TLK2: variants seen among roughly 807,000 people sequenced by gnomAD.
TLK2 encodes serine/threonine-protein kinase tousled-like 2.
A neutral mutation model predicts 117.3 loss-of-function variants in TLK2; 6 were observed. The observed-to-expected ratio is 0.05, with a 90% confidence interval of 0.03 to 0.10. TLK2 has a LOEUF of 0.10. TLK2 is among the 10% of genes least tolerant of loss of function. The pLI is 1.00. For synonymous variants in TLK2, 257 were observed against 316.7 expected (o/e 0.81, Z 2.00); for missense variants, 299 against 901.2 (o/e 0.33, Z 8.56).
intron 10 of TLK2, among the ~76,000 whole-genome samples, chr17:62,562,141 C>G (rs1205019874): frequency 6.6e-6 from 1 of 152,108 alleles, no homozygotes; most frequent in Non-Finnish European, 1.5e-5. Flanking sequence ...GGGTGGATCA[C>G]TTGAGGTCAA....
rs746988825 is a variant in TLK2 at position 62,502,028 on chromosome 17, A to ATTTTT, written c.82-18745_82-18744insTTTTT. ...ATCAAACATTTAAGGAAAAAATACC[A>ATTTTT]ATTTTTTTTTTTTTTTTTACAAATT... On this transcript the variant is annotated intron_variant, in intron 2 of 21. Transcript: ENST00000346027. Among the ~76,000 whole-genome samples, 14 of 134,298 alleles carry ATTTTT rather than the reference A, an allele frequency of 1.0e-4. 1 individual carries two copies. The highest frequency in any genetic ancestry group is 2.3e-4 in the South Asian group (1 of 4,284). 88.1% of individuals were successfully genotyped at this position (134,298 alleles called of 152,430 possible).
intron 7 of TLK2, among the ~76,000 whole-genome samples, chr17:62,543,718 T>C (rs2077705400): frequency 6.6e-6 from 1 of 152,246 alleles, no homozygotes; most frequent in African/African-American, 2.4e-5. Context: ...ATTCTTTATA[T>C]ATTCTGAATA....
intron 2 of TLK2, among the ~76,000 whole-genome samples, chr17:62,519,064 T>A (rs922636198): frequency 2.6e-5 from 4 of 152,098 alleles, no homozygotes; most frequent in African/African-American, 9.7e-5. Flanking sequence ...TTTGTATTTT[T>A]GGTAGAGATG....
intron 2 of TLK2, among the ~76,000 whole-genome samples, chr17:62,492,648 G>A (rs377423001): frequency 6.6e-6 from 1 of 151,754 alleles, no homozygotes; most frequent in African/African-American, 2.4e-5. Flanking sequence ...GTAGAGATGG[G>A]GTTTCACCAT....
intron 17 of TLK2, among the ~76,000 whole-genome samples, chr17:62,600,050 A>C (rs1302948905): frequency 1.3e-5 from 2 of 152,230 alleles, no homozygotes; most frequent in African/African-American, 2.4e-5. Flanking sequence ...GTTTAAGAGA[A>C]ATTGTAGTGC....
intron 15 of TLK2, among the ~76,000 whole-genome samples, chr17:62,582,798 C>T (rs1316751473): frequency 6.6e-6 from 1 of 152,158 alleles, no homozygotes; most frequent in African/African-American, 2.4e-5. Flanking sequence ...CTTTCCCCCT[C>T]CTCCTTGTCC....
At chr17:62,594,294 G>GC (rs2082295395) in intron 16 of TLK2, among the ~76,000 whole-genome samples, 1 of 152,080 alleles carries the variant, frequency 6.6e-6, no homozygotes, top group Admixed American at 6.5e-5. Context: ...TGTAATCCCA[G>GC]CTAGTTGGGA....
intron 15 of TLK2, among the ~76,000 whole-genome samples, chr17:62,583,981 C>T (rs1006050846): frequency 1.3e-5 from 2 of 151,940 alleles, no homozygotes; most frequent in Non-Finnish European, 2.9e-5. Context: ...TTTCTTAAGT[C>T]AGTGGTAGGT....
chr17:62,506,530 C>G (rs1201879159), intron 2 of TLK2, among the ~76,000 whole-genome samples: 2 of 151,874 alleles, frequency 1.3e-5, no homozygotes, highest in Non-Finnish European at 2.9e-5. Flanking sequence ...TTTTTTTCCT[C>G]ATATGTGAAG....
At chr17:62,563,444 T>G (rs1047441151) in intron 10 of TLK2, among the ~76,000 whole-genome samples, 1 of 151,832 alleles carries the variant, frequency 6.6e-6, no homozygotes, top group East Asian at 1.9e-4. Flanking sequence ...CCCTGTCTCT[T>G]AAAATAAAAA....
intron 2 of TLK2, among the ~76,000 whole-genome samples, chr17:62,487,076 G>A (rs1407914014): frequency 3.3e-5 from 5 of 152,134 alleles, no homozygotes; most frequent in Non-Finnish European, 7.4e-5. Flanking sequence ...GGCAGATCAC[G>A]AGGTCAGGAG....
chr17:62,503,233 T>C (rs780375930), intron 2 of TLK2, among the ~76,000 whole-genome samples: 2 of 151,872 alleles, frequency 1.3e-5, no homozygotes, highest in Non-Finnish European at 2.9e-5. Flanking sequence ...CTAATTTTTG[T>C]ATTTTTAGTA....
At chr17:62,508,960 T>A (rs1455292332) in intron 2 of TLK2, among the ~76,000 whole-genome samples, 1 of 151,558 alleles carries the variant, frequency 6.6e-6, no homozygotes, top group East Asian at 2.0e-4. Context: ...AGAGTGAGAC[T>A]CCATCTCAAC....
intron 11 of TLK2, 154 bp from the exon 12 acceptor site, chr17:62,573,061 C>G (rs1380837167): frequency 1.3e-6 from 1 of 742,624 alleles, no homozygotes; most frequent in South Asian, 2.0e-5. Context: ...ATTATTTGGC[C>G]CTTCCAATCT....
intron 10 of TLK2, among the ~76,000 whole-genome samples, chr17:62,562,297 T>C (rs2079352139): frequency 6.6e-6 from 1 of 152,156 alleles, no homozygotes; most frequent in Admixed American, 6.5e-5. Context: ...GAGGCGGAGA[T>C]TGCAGTGAGC....
At chr17:62,606,283 G>A (rs2083294214) in intron 20 of TLK2, 42 bp downstream of exon 20, 2 of 1,279,250 alleles carry the variant, frequency 1.6e-6, no homozygotes, top group African/African-American at 1.5e-5. Flanking sequence ...CTCTTTCTTG[G>A]GTGGCACACA....
intron 12 of TLK2, 64 bp downstream of exon 12, chr17:62,573,431 T>A: frequency 6.3e-7 from 1 of 1,578,422 alleles, no homozygotes; most frequent in East Asian, 2.3e-5. Flanking sequence ...AAATGTTGAT[T>A]GTCACCGGCA....
At chr17:62,593,683 A>T (rs1262515695) in intron 16 of TLK2, among the ~76,000 whole-genome samples, 3 of 149,182 alleles carry the variant, frequency 2.0e-5, no homozygotes, top group Non-Finnish European at 4.4e-5. Flanking sequence ...TGAAGCTTTC[A>T]CCCCCATGAT....
chr17:62,555,681 G>A (rs1048925601), intron 9 of TLK2, among the ~76,000 whole-genome samples: 1 of 151,832 alleles, frequency 6.6e-6, no homozygotes, highest in African/African-American at 2.4e-5. Context: ...GTTTCACCAT[G>A]TTGGTCAGGC....
Sources: gnomAD v4.1 joint callset for allele counts (sites outside exome capture counted in the v4.1 genomes callset) on GRCh38, gnomAD v4.1.1 for gene constraint, MANE v1.5 for transcripts, NCBI Gene and HGNC (gene_info 2026-07-23, HGNC 2026-07-21) for gene names.